Variants in ETS1 observed in about 807,000 individuals in gnomAD.
The protein encoded by ETS1 is protein C-ets-1.
In ETS1, 15 loss-of-function variants were observed where a neutral mutation model predicts 58.6. The ratio of observed to expected loss-of-function variants is 0.26; its 90% CI spans 0.17 to 0.39. The LOEUF (loss-of-function observed/expected upper bound fraction) is 0.39. Among genes scored for constraint, ETS1 ranks in the 10% least tolerant of loss-of-function variants. The pLI, the probability that ETS1 is intolerant of heterozygous loss-of-function variation, is 1.00. For missense variants in ETS1, 417 were observed against 610.5 expected (o/e 0.68, Z 3.34); for synonymous variants, 214 against 218.2 (o/e 0.98, Z 0.17).
At chr11:128,562,292 C>T (rs1365327611) in intron 2 of ETS1, among the ~76,000 whole-genome samples, 2 of 152,138 alleles carry the variant, frequency 1.3e-5, no homozygotes, top group South Asian at 2.1e-4. Flanking sequence ...ACCTGTAATC[C>T]CAGTTACTCT....
chr11:128,529,485 C>A (rs945127930), intron 3 of ETS1, among the ~76,000 whole-genome samples: 1 of 152,126 alleles, frequency 6.6e-6, no homozygotes, highest in East Asian at 1.9e-4. Flanking sequence ...TTGCTCTCTG[C>A]ACTTTGTTGT....
chr11:128,579,250 C>G (rs1207821418), intron 1 of ETS1, among the ~76,000 whole-genome samples: 2 of 152,142 alleles, frequency 1.3e-5, no homozygotes, highest in Non-Finnish European at 1.5e-5. Context: ...TCTTTGAAAA[C>G]AATGCAAAAT....
chr11:128,478,638 C>A (rs1862400497), intron 8 of ETS1, among the ~76,000 whole-genome samples: 1 of 152,186 alleles, frequency 6.6e-6, no homozygotes. Flanking sequence ...TTTAGAGCTA[C>A]CTCTGCCTTT....
intron 3 of ETS1, among the ~76,000 whole-genome samples, chr11:128,523,931 G>C (rs1006795489): frequency 6.6e-6 from 1 of 152,050 alleles, no homozygotes; most frequent in Non-Finnish European, 1.5e-5. Context: ...AAAAAAAAAG[G>C]TTCTTGAATC....
Position 128,492,288 on chromosome 11 carries a change from C to T in ETS1, c.215-1712G>A, listed in dbSNP as rs1257537235. 2.6e-5 allele frequency among the ~76,000 whole-genome samples: 4 copies of T among 152,232 alleles called. No individual in the cohort carries two copies. The East Asian group carries it at 7.7e-4, about 29-fold the overall frequency. On this transcript the variant is annotated intron_variant, in intron 3 of 9. Coordinates refer to ENST00000392668, the MANE Select transcript of ETS1 (RefSeq NM_001143820.2). ...GAATGAAATTAAGCATAGGATAAAC[C>T]TCTGAAGAAAGGAGCAAATATATTG...
At chr11:128,504,658 T>C (rs1863182234) in intron 3 of ETS1, among the ~76,000 whole-genome samples, 2 of 152,238 alleles carry the variant, frequency 1.3e-5, no homozygotes, top group East Asian at 1.9e-4. Flanking sequence ...CTTAAGTCAC[T>C]GGTTACTAAT....
rs116502295 is a variant in ETS1, at chr11:128,462,620, T to C, written c.1243-44A>G. On this transcript the variant is annotated intron_variant, in intron 9 of 9. Coordinates refer to ENST00000392668, the MANE Select transcript of ETS1 (RefSeq NM_001143820.2). ...AATAAAGGAGGAGTAGGCAAAAATC[T>C]ACAAGACAGGCCAAATATATATGTT... 8.8e-3 allele frequency: 13,268 copies of C among 1,501,592 alleles called. 81 individuals are homozygous for C. Among genetic ancestry groups the C allele is most frequent in the Non-Finnish European group, 0.011 (11,681 of 1,079,958 alleles). The allele number at this position is 1,501,592 out of a possible 1,614,324, so 93.0% of individuals were successfully genotyped here.
rs1244045675 is a variant in ETS1, at chr11:128,585,186, G to GAAAGAGAAAGAAAGA, written c.-15+2301_-15+2302insTCTTTCTTTCTCTTT. Among the ~76,000 whole-genome samples, 2 of 19,546 alleles carry GAAAGAGAAAGAAAGA rather than the reference G, an allele frequency of 1.0e-4. 1 individual carries two copies. The highest frequency in any genetic ancestry group is 1.8e-4 in the Non-Finnish European group (2 of 11,390). 12.8% of individuals were successfully genotyped at this position (19,546 alleles called of 152,430 possible). On this transcript the variant is annotated intron_variant, in intron 1 of 9. Coordinates refer to ENST00000392668, the MANE Select transcript of ETS1 (RefSeq NM_001143820.2). The stretch of plus-strand genomic sequence containing the variant: ...AAAGAAAGAGAAAGAAAGAAAGAAA[G>GAAAGAGAAAGAAAGA]AAGGAAGGAAAGAAAGAAAGAAAGA...
intron 3 of ETS1, among the ~76,000 whole-genome samples, chr11:128,492,624 G>C (rs527854083): frequency 6.6e-4 from 100 of 151,856 alleles, no homozygotes; most frequent in African/African-American, 2.4e-3. Flanking sequence ...AAGTAATTGG[G>C]GGAGGGGATA....
At position 128,491,417 on chromosome 11, in the gene ETS1, G is replaced by A. The variant is rs149183732; in HGVS notation, c.215-841C>T. ...TCAAAGGAGAAGTACATGATGCAAC[G>A]TTAATGTGCAACAGGAATTCCTGGA... On this transcript the variant is annotated intron_variant, in intron 3 of 9. Coordinates refer to ENST00000392668, the MANE Select transcript of ETS1 (RefSeq NM_001143820.2). Among the ~76,000 whole-genome samples, 64 of 152,300 alleles carry A rather than the reference G, an allele frequency of 4.2e-4. 1 individual carries two copies. The highest frequency in any genetic ancestry group is 7.9e-4 in the Non-Finnish European group (54 of 68,022).
intron 1 of ETS1, among the ~76,000 whole-genome samples, chr11:128,578,539 C>G (rs1000541250): frequency 1.3e-5 from 2 of 151,808 alleles, no homozygotes; most frequent in Non-Finnish European, 2.9e-5. Flanking sequence ...ACAATGTTAC[C>G]GCAAAAATTA....
At chr11:128,545,198 C>T (rs1361949572) in intron 3 of ETS1, among the ~76,000 whole-genome samples, 1 of 152,150 alleles carries the variant, frequency 6.6e-6, no homozygotes, top group Non-Finnish European at 1.5e-5. Flanking sequence ...CAAGAAACCA[C>T]AGAGAAGATA....
chr11:128,556,402 G>A lies in ETS1; in HGVS notation c.103C>T (p.Arg35Ter), dbSNP rs193272250. Residue 35 changes from arginine to a stop codon, truncating the protein, a stop_gained, in exon 3 of 10, where the codon CGA (arginine) becomes TGA (stop). Coordinates refer to ENST00000392668, the MANE Select transcript of ETS1 (RefSeq NM_001143820.2). LOFTEE classifies it high-confidence loss of function. ...QGPSNTYEDPRMNCGFQSNYH... is the reference protein window; with the variant it reads ...QGPSNTYEDP ...TTGGACTGGAAACCACAGTTCATTC[G>A]AGGATCTTCATAAGTGTTGCTAGGT... 7 of 1,612,510 alleles carry A rather than the reference G, an allele frequency of 4.3e-6. No individual in the cohort carries two copies. The highest frequency in any genetic ancestry group is 5.9e-6 in the Non-Finnish European group (7 of 1,179,026).
At chr11:128,506,050 C>G (rs1342425944) in intron 3 of ETS1, among the ~76,000 whole-genome samples, 2 of 152,168 alleles carry the variant, frequency 1.3e-5, no homozygotes, top group Non-Finnish European at 2.9e-5. Context: ...AGCGCTCCCC[C>G]AGGTGTGTGC....
chr11:128,557,382 C>T (rs184927961), intron 2 of ETS1, among the ~76,000 whole-genome samples: 49 of 151,694 alleles, frequency 3.2e-4, no homozygotes, highest in Middle Eastern at 3.4e-3. Context: ...TGAAGTAGGA[C>T]GATTGAATGA....
At chr11:128,506,834 A>G (rs1288346492) in intron 3 of ETS1, among the ~76,000 whole-genome samples, 1 of 152,186 alleles carries the variant, frequency 6.6e-6, no homozygotes, top group Non-Finnish European at 1.5e-5. Context: ...CTAAAGAGGA[A>G]GGGCCACAGG....
rs766848139 is a variant in ETS1, at chr11:128,464,238, G to GA, written c.1124-612dup. Among the ~76,000 whole-genome samples, 9,606 of 118,366 alleles carry GA rather than the reference G, an allele frequency of 0.081. 500 individuals carry two copies. Among genetic ancestry groups the GA allele is most frequent in the African/African-American group, 0.18 (5,802 of 33,028 alleles). The allele number at this position is 118,366 out of a possible 152,430, so 77.7% of individuals were successfully genotyped here. A position where few individuals can be genotyped will look rare whatever the true frequency, so the allele number is the denominator to read the frequency against. ...TCCACTTACAGGAAAGCACCCAAAG[G>GA]AAAAAAAAAAAAAAGCATCATTACT... is the stretch of plus-strand genomic sequence containing the variant. On this transcript the variant is annotated intron_variant, in intron 8 of 9. Transcript: ENST00000392668. The surrounding 1 kb of genome is among the most constrained non-coding windows in gnomAD (Gnocchi z 4.1).
At chr11:128,555,372 A>G (rs1029912798) in intron 3 of ETS1, among the ~76,000 whole-genome samples, 1 of 152,218 alleles carries the variant, frequency 6.6e-6, no homozygotes, top group African/African-American at 2.4e-5. Flanking sequence ...AGTAGCCTTC[A>G]AGTTAGTGAC....
chr11:128,473,267 G>A (rs12294634), intron 8 of ETS1, among the ~76,000 whole-genome samples: 17,534 of 152,164 alleles, frequency 0.12, 1,258 homozygotes, highest in Non-Finnish European at 0.16. Context: ...AGTAAAATGC[G>A]TTGTTCCCTG....
Sources: allele counts gnomAD v4.1 joint callset (sites outside exome capture counted in the v4.1 genomes callset), GRCh38; gene constraint gnomAD v4.1.1; non-coding constraint Gnocchi (gnomAD v3.1); transcripts MANE v1.5; gene names NCBI Gene and HGNC (gene_info 2026-07-23, HGNC 2026-07-21).